The following GALK2 variants were observed in gnomAD, a reference collection of about 807,000 sequenced individuals.
GALK2 encodes the protein N-acetylgalactosamine kinase.
In GALK2, 36 loss-of-function variants were observed where a neutral mutation model predicts 52.4. The ratio of observed to expected loss-of-function variants is 0.69; its 90% CI spans 0.53 to 0.91. The LOEUF is 0.91. GALK2 is among the 40% of genes least tolerant of loss of function. The pLI is 0.00. For missense variants in GALK2, 579 were observed against 559.1 expected, an observed-to-expected ratio of 1.04 and a Z score of -0.36; for synonymous variants, 176 against 199.1, an observed-to-expected ratio of 0.88 and a Z score of 0.98.
chr15:49,351,955 C>T (rs2042318647), intron 3 of GALK2, among the ~76,000 whole-genome samples: 1 of 152,176 alleles, frequency 6.6e-6, no homozygotes, highest in Admixed American at 6.5e-5. Flanking sequence ...ATATTATTAC[C>T]TCTGTAGTTC....
chr15:49,208,449 A>G (rs1225823303), intron 2 of GALK2, among the ~76,000 whole-genome samples: 1 of 152,040 alleles, frequency 6.6e-6, no homozygotes, highest in East Asian at 1.9e-4. Flanking sequence ...ATTTCCATGT[A>G]TTTGCATGGT....
chr15:49,333,247 T>C (rs2039118260), downstream of GALK2, among the ~76,000 whole-genome samples: 1 of 152,210 alleles, frequency 6.6e-6, no homozygotes, highest in African/African-American at 2.4e-5. Flanking sequence ...TTTATAACAT[T>C]ACTAATCCTC....
upstream of GALK2, among the ~76,000 whole-genome samples, chr15:49,168,891 G>T (rs2084915441): frequency 6.6e-6 from 1 of 151,550 alleles, no homozygotes; most frequent in African/African-American, 2.4e-5. Flanking sequence ...GATTTATTGG[G>T]GCCCAGAAAC....
intron 1 of GALK2, among the ~76,000 whole-genome samples, chr15:49,170,806 AAAC>A (rs2085025995): frequency 6.6e-6 from 1 of 152,100 alleles, no homozygotes; most frequent in African/African-American, 2.4e-5. Context: ...AAACAAAACA[AAAC>A]AAAAACACGA....
chr15:49,276,305 GTTGTGTGT>G (rs2031649662), intron 5 of GALK2, among the ~76,000 whole-genome samples: 1 of 138,430 alleles, frequency 7.2e-6, no homozygotes, highest in Non-Finnish European at 1.6e-5. Flanking sequence ...GGGTTTTCAG[GTTGTGTGT>G]TTGTGTTTGT....
rs185809088 is a variant in GALK2, at chr15:49,274,517, A to T, written c.505-7470A>T. Among the ~76,000 whole-genome samples, 44 of 152,326 alleles carry T rather than the reference A, an allele frequency of 2.9e-4. No homozygotes were observed. In the East Asian group the frequency reaches 8.3e-3, roughly 29 times the overall value. On this transcript the variant is annotated intron_variant, in intron 5 of 9. Coordinates refer to ENST00000560031, the MANE Select transcript of GALK2 (RefSeq NM_002044.4). ...GTGAAGGCGCAGGACATGACTGTACACTACTGTAGACTTTATCAACACTGT... is the reference window on the plus strand; with the variant it reads ...GTGAAGGCGCAGGACATGACTGTACTCTACTGTAGACTTTATCAACACTGT...
At chr15:49,182,551 T>C (rs2086055514) in intron 1 of GALK2, among the ~76,000 whole-genome samples, 1 of 152,188 alleles carries the variant, frequency 6.6e-6, no homozygotes, top group African/African-American at 2.4e-5. Context: ...TTTTAATTTT[T>C]TGAAGAACCT....
At position 49,331,783 on chromosome 15, in the gene GALK2, T is replaced by A; in HGVS notation, c.*3624T>A. ...TATTTTCAGAAAGAAAACCTACCAGTTTATGTAGGAACTTCTCAAAGTCCT... is the reference window on the plus strand; with the variant it reads ...TATTTTCAGAAAGAAAACCTACCAGATTATGTAGGAACTTCTCAAAGTCCT... On this transcript the variant is annotated 3_prime_UTR_variant, in exon 10 of 10. Coordinates refer to ENST00000560031, the MANE Select transcript of GALK2 (RefSeq NM_002044.4). 6.3e-7 allele frequency: 1 copy of A among 1,587,860 alleles called. No homozygotes were observed. The highest frequency in any genetic ancestry group is 8.6e-7 in the Non-Finnish European group (1 of 1,156,338).
chr15:49,313,469 C>T (rs1376186942), intron 8 of GALK2, among the ~76,000 whole-genome samples: 1 of 152,210 alleles, frequency 6.6e-6, no homozygotes, highest in Non-Finnish European at 1.5e-5. Flanking sequence ...ACAGAAGGGA[C>T]ACTGTGTGGC....
intron 7 of GALK2, among the ~76,000 whole-genome samples, chr15:49,286,264 C>T (rs952157325): frequency 2.0e-5 from 3 of 152,196 alleles, no homozygotes; most frequent in African/African-American, 7.2e-5. Flanking sequence ...TGATGTGATG[C>T]TTAAGCTGAA....
intron 3 of GALK2, among the ~76,000 whole-genome samples, chr15:49,228,687 A>ATTTTTTTTTT (rs1174406561): frequency 7.0e-5 from 1 of 14,276 alleles, no homozygotes; most frequent in Non-Finnish European, 1.2e-4. Flanking sequence ...ATATATATAT[A>ATTTTTTTTTT]TTTTTTTTTT....
chr15:49,224,264 G>A (rs73392249), intron 3 of GALK2, among the ~76,000 whole-genome samples: 28,449 of 152,092 alleles, frequency 0.19, 2,815 homozygotes, highest in South Asian at 0.21. Context: ...TGCATAGTTT[G>A]TGAATATTTT....
chr15:49,227,197 T>A (rs1350593901), intron 3 of GALK2, among the ~76,000 whole-genome samples: 1 of 152,210 alleles, frequency 6.6e-6, no homozygotes, highest in African/African-American at 2.4e-5. Context: ...TCTGTTGTGA[T>A]GATCTCTGTA....
intron 8 of GALK2, among the ~76,000 whole-genome samples, chr15:49,306,640 C>T (rs1596046930): frequency 1.3e-5 from 2 of 152,258 alleles, no homozygotes; most frequent in South Asian, 4.1e-4. Context: ...AAATACCAGG[C>T]CAGGCCAGCC....
intron 8 of GALK2, among the ~76,000 whole-genome samples, chr15:49,296,764 T>A (rs182654527): frequency 1.7e-3 from 258 of 152,286 alleles, no homozygotes; most frequent in African/African-American, 6.0e-3. Flanking sequence ...TACGCCCAGC[T>A]AATTTTTTGT....
intron 1 of GALK2, among the ~76,000 whole-genome samples, chr15:49,164,712 C>T (rs914254165): frequency 9.7e-5 from 12 of 123,956 alleles, no homozygotes; most frequent in East Asian, 2.8e-4. Flanking sequence ...ACCCAGCAGG[C>T]GGAGGTTGCA....
chr15:49,321,444 G>T (rs559715500), intron 9 of GALK2, among the ~76,000 whole-genome samples: 1 of 152,318 alleles, frequency 6.6e-6, no homozygotes, highest in African/African-American at 2.4e-5. Context: ...GCAATTCTAT[G>T]CCAAATATGC....
At position 49,328,165 on chromosome 15, in the gene GALK2, T is replaced by C; in HGVS notation, c.*6T>C. 1 of 1,611,058 alleles carries C rather than the reference T, an allele frequency of 6.2e-7. No homozygotes were observed. The highest frequency in any genetic ancestry group is 1.1e-5 in the South Asian group (1 of 90,684). On this transcript the variant is annotated 3_prime_UTR_variant, in exon 10 of 10. Transcript: ENST00000560031. ...TGGTTTTGCTTGAGGCCTGAAAAAATGTAAAAAGTCTGAGAGAAACTACTT... is the reference window on the plus strand; with the variant it reads ...TGGTTTTGCTTGAGGCCTGAAAAAACGTAAAAAGTCTGAGAGAAACTACTT...
chr15:49,362,377 C>T (rs995030150), intron 3 of GALK2, among the ~76,000 whole-genome samples: 1 of 152,190 alleles, frequency 6.6e-6, no homozygotes, highest in African/African-American at 2.4e-5. Context: ...TTGTAAGTTT[C>T]CTGAGGCTCC....
Sources: gnomAD v4.1 joint callset for allele counts (sites outside exome capture counted in the v4.1 genomes callset) on GRCh38, gnomAD v4.1.1 for gene constraint, MANE v1.5 for transcripts, NCBI Gene and HGNC (gene_info 2026-07-23, HGNC 2026-07-21) for gene names.